The following MET variants were observed in gnomAD, a reference collection of about 807,000 sequenced individuals.
The protein encoded by MET is hepatocyte growth factor receptor.
Under a neutral mutation model 133.1 loss-of-function variants are expected in MET, and 48 were observed. The ratio of observed to expected loss-of-function variants is 0.36; its 90% CI spans 0.29 to 0.46. The LOEUF is 0.46. Among genes scored for constraint, MET ranks in the 20% least tolerant of loss-of-function variants. The pLI is 1.00. For missense variants in MET, 1,442 were observed against 1,695.9 expected (o/e 0.85, Z 2.63); for synonymous variants, 628 against 616.5 (o/e 1.02, Z -0.28).
chr7:116,754,939 G>GAAAGAAAGAAAGAAAGAAAGAAAGAAAA (rs1554394721), intron 5 of MET, among the ~76,000 whole-genome samples: 18 of 122,670 alleles, frequency 1.5e-4, no homozygotes, highest in South Asian at 2.7e-4. Flanking sequence ...AAGAAAGAAA[G>GAAAGAAAGAAAGAAAGAAAGAAAGAAAA]AAAGAAAGAA....
chr7:116,755,015 A>AGAAAGAAAGAAG (rs1794116626), intron 5 of MET, among the ~76,000 whole-genome samples: 1 of 151,056 alleles, frequency 6.6e-6, no homozygotes, highest in African/African-American at 2.4e-5. Flanking sequence ...AAAGAAAGAA[A>AGAAAGAAAGAAG]GAAAGAAAGA....
intron 1 of MET, among the ~76,000 whole-genome samples, chr7:116,686,178 T>A (rs1440301773): frequency 6.6e-6 from 1 of 152,176 alleles, no homozygotes; most frequent in Non-Finnish European, 1.5e-5. Context: ...AATAAAAACC[T>A]GAATCTCCCA....
chr7:116,681,517 TG>T (rs1327137995), intron 1 of MET, among the ~76,000 whole-genome samples: 1 of 152,242 alleles, frequency 6.6e-6, no homozygotes, highest in African/African-American at 2.4e-5. Context: ...ACCATTTCTT[TG>T]GTCCTTGACT....
chr7:116,741,449 A>T (rs1359451522), intron 5 of MET, among the ~76,000 whole-genome samples: 1 of 152,174 alleles, frequency 6.6e-6, no homozygotes, highest in East Asian at 1.9e-4. Context: ...GTGCCCAGAC[A>T]TGAGCCTCCA....
At chr7:116,717,222 C>G (rs1792278108) in intron 2 of MET, among the ~76,000 whole-genome samples, 1 of 152,182 alleles carries the variant, frequency 6.6e-6, no homozygotes, top group Non-Finnish European at 1.5e-5. Flanking sequence ...TGCCAGAGAG[C>G]TGACTCTTCT....
At chr7:116,780,021 G>A (rs546336511) in intron 17 of MET, among the ~76,000 whole-genome samples, 2 of 152,286 alleles carry the variant, frequency 1.3e-5, no homozygotes, top group South Asian at 4.1e-4. Context: ...ATGAGGGTAG[G>A]ATTTTTGTGT....
chr7:116,709,763 G>T (rs1055133588), intron 2 of MET, among the ~76,000 whole-genome samples: 12 of 151,924 alleles, frequency 7.9e-5, no homozygotes. Flanking sequence ...TGTGTATAGG[G>T]GTTACACACA....
intron 16 of MET, 105 bp downstream of exon 16, chr7:116,777,574 C>A: frequency 8.9e-7 from 1 of 1,122,558 alleles, no homozygotes. Context: ...GTGGAAAAAT[C>A]AGCTACCACT....
rs976202394 is a variant in MET, at chr7:116,701,228, C to T, written c.1200+944C>T. Among the ~76,000 whole-genome samples, 9 of 152,054 alleles carry T rather than the reference C, an allele frequency of 5.9e-5. No individual in the cohort carries two copies. The South Asian group carries it at 8.3e-4, about 14-fold the overall frequency. Reference sequence around the variant, plus strand: ...CTTGATCTGGGCCAGATTTGGAATACGGACCTGACTATGACCATCATTGAA... The same window carrying T: ...CTTGATCTGGGCCAGATTTGGAATATGGACCTGACTATGACCATCATTGAA... On this transcript the variant is annotated intron_variant, in intron 2 of 20. Transcript: ENST00000397752.
At chr7:116,756,856 A>G (rs780141946) in intron 6 of MET, among the ~76,000 whole-genome samples, 2 of 152,202 alleles carry the variant, frequency 1.3e-5, no homozygotes, top group Non-Finnish European at 2.9e-5. Context: ...ATTATGCACT[A>G]TTCAACTGGT....
intron 11 of MET, among the ~76,000 whole-genome samples, chr7:116,764,143 A>G (rs1794520007): frequency 6.6e-6 from 1 of 152,002 alleles, no homozygotes; most frequent in African/African-American, 2.4e-5. Context: ...CTAAGTAATA[A>G]TATGTTTCCA....
intron 19 of MET, among the ~76,000 whole-genome samples, chr7:116,795,225 A>T (rs980072343): frequency 5.9e-5 from 9 of 152,182 alleles, no homozygotes; most frequent in African/African-American, 2.2e-4. Context: ...CATTTCTTAA[A>T]GAGTATTTAT....
At chr7:116,674,744 C>T (rs1274834695) in intron 1 of MET, among the ~76,000 whole-genome samples, 1 of 152,212 alleles carries the variant, frequency 6.6e-6, no homozygotes, top group Non-Finnish European at 1.5e-5. Context: ...CTCCTCAACC[C>T]TTTCCCTTGG....
chr7:116,709,160 G>A (rs1252791293), intron 2 of MET, among the ~76,000 whole-genome samples: 4 of 152,066 alleles, frequency 2.6e-5, no homozygotes, highest in African/African-American at 7.2e-5. Flanking sequence ...ATATTGTTCC[G>A]GTTTATAGGC....
chr7:116,746,644 G>A (rs1303395409), intron 5 of MET, among the ~76,000 whole-genome samples: 1 of 152,116 alleles, frequency 6.6e-6, no homozygotes, highest in Non-Finnish European at 1.5e-5. Context: ...CATGGATGAA[G>A]CTGGAAACCA....
At position 116,699,625 on chromosome 7, in the gene MET, G is replaced by A. The variant is rs779040487; in HGVS notation, c.541G>A (p.Gly181Arg). The change falls in exon 2 of 21, where the codon GGA becomes AGA. Residue 181 changes from glycine (G) to arginine (R), a missense_variant. Coordinates refer to ENST00000397752, the MANE Select transcript of MET (RefSeq NM_000245.4). ...TCCTGACTGTGTGGTGAGCGCCCTG[G>A]GAGCCAAAGTCCTTTCATCTGTAAA... ...QCPDCVVSALGAKVLSSVKDR... is the reference protein window; with the variant it reads ...QCPDCVVSALRAKVLSSVKDR... 5 of 1,613,906 alleles carry A rather than the reference G, an allele frequency of 3.1e-6. No individual in the cohort carries two copies. The Admixed American group carries it at 5.0e-5, about 16-fold the overall frequency.
At chr7:116,724,963 C>A in intron 2 of MET, 1 of 898,390 alleles carries the variant, frequency 1.1e-6, no homozygotes, top group Non-Finnish European at 1.5e-6. Flanking sequence ...ACACTAGGAA[C>A]AAATGCTAAG....
rs1199723513 is a variant in MET at position 116,775,076 on chromosome 7, G to A, written c.3224G>A (p.Ser1075Asn). 2 of 1,614,178 alleles carry A rather than the reference G, an allele frequency of 1.2e-6. No individual in the cohort carries two copies. Among genetic ancestry groups the A allele is most frequent in the South Asian group, 1.1e-5 (1 of 91,082 alleles). The change falls in exon 15 of 21, where the codon AGC becomes AAC. Residue 1075 changes from serine (S) to asparagine (N), a missense_variant. Physicochemically the swap from Ser to Asn is conservative, Grantham distance 46. This residue lies in a region of MET where 514 missense variants were observed against 659.6 expected (regional missense o/e 0.78). Transcript: ENST00000397752. ...AVQHVVIGPS[S>N]LIVHFNEVIG... ...CAGCATGTAGTGATTGGGCCCAGTA[G>A]CCTGATTGTGCATTTCAATGAAGTC...
intron 1 of MET, among the ~76,000 whole-genome samples, chr7:116,676,434 G>T (rs1796162361): frequency 6.6e-6 from 1 of 152,168 alleles, no homozygotes; most frequent in South Asian, 2.1e-4. Flanking sequence ...AACCTACGAG[G>T]CATAGTTCTA....
Sources: gnomAD v4.1 joint callset for allele counts (sites outside exome capture counted in the v4.1 genomes callset) on GRCh38, gnomAD v4.1.1 for gene constraint, gnomAD v4.1.1 regional missense constraint, MANE v1.5 for transcripts, NCBI Gene and HGNC (gene_info 2026-07-23, HGNC 2026-07-21) for gene names.